The following VDAC1 variants were observed in gnomAD, a reference collection of about 807,000 sequenced individuals.
VDAC1 encodes voltage dependent anion channel 1.
VDAC1 carries 10 observed loss-of-function variants against 34.7 expected under a neutral mutation model. That is an observed-to-expected ratio of 0.29 (90% CI 0.18 to 0.49). VDAC1 has a LOEUF of 0.49. Among genes scored for constraint, VDAC1 ranks in the 20% least tolerant of loss-of-function variants. VDAC1 has a pLI of 0.99. For synonymous variants in VDAC1, 130 were observed against 136.0 expected (o/e 0.96, Z 0.30); for missense variants, 230 against 347.9 (o/e 0.66, Z 2.69).
chr5:133,977,823 T>C (rs190893574), intron 6 of VDAC1, among the ~76,000 whole-genome samples: 5 of 152,200 alleles, frequency 3.3e-5, no homozygotes, highest in Non-Finnish European at 5.9e-5. Context: ...CTGCTTTTCA[T>C]AGGCCCATCT....
chr5:133,985,225 A>G (rs1443769793), intron 5 of VDAC1, among the ~76,000 whole-genome samples: 1 of 152,228 alleles, frequency 6.6e-6, no homozygotes, highest in Non-Finnish European at 1.5e-5. Flanking sequence ...AGTTGGGAGT[A>G]GGTGTGCACA....
rs77978694 is a variant in VDAC1, at chr5:133,985,986, A to G, written c.323+4869T>C. Among the ~76,000 whole-genome samples the G allele has an allele frequency of 7.7e-3, 1,176 of 152,292 alleles. 20 individuals carry two copies. Among genetic ancestry groups the G allele is most frequent in the African/African-American group, 0.027 (1,126 of 41,558 alleles). On this transcript the variant is annotated intron_variant, in intron 5 of 8. Transcript: ENST00000265333. ...TTCTGGCCAGGGCCCACAATCCCCA[A>G]GAGAAAGGGCAGTGCTGGGGAGTGG... is the stretch of plus-strand genomic sequence containing the variant.
At chr5:134,019,340 G>A in the VDAC1 span, among the ~76,000 whole-genome samples, 1 of 152,164 alleles carries the variant, frequency 6.6e-6, no homozygotes, top group Non-Finnish European at 1.5e-5. Context: ...CACTTTGGGA[G>A]TCTAAGGGAG....
chr5:134,091,225 G>T, the VDAC1 span, among the ~76,000 whole-genome samples: 1 of 152,212 alleles, frequency 6.6e-6, no homozygotes, highest in Non-Finnish European at 1.5e-5. Context: ...AACTTTTCAT[G>T]AAGATCAAGA....
the VDAC1 span, among the ~76,000 whole-genome samples, chr5:134,016,789 G>A: frequency 6.6e-6 from 1 of 152,238 alleles, no homozygotes; most frequent in Non-Finnish European, 1.5e-5. Context: ...ACAGGGTGCT[G>A]GCTTTCAGGC....
the VDAC1 span, among the ~76,000 whole-genome samples, chr5:134,064,153 T>C: frequency 1.3e-5 from 2 of 152,014 alleles, no homozygotes; most frequent in African/African-American, 4.8e-5. Context: ...ATTTTTCATA[T>C]AGACAATCAT....
At chr5:134,017,006 G>A in the VDAC1 span, among the ~76,000 whole-genome samples, 1 of 152,318 alleles carries the variant, frequency 6.6e-6, no homozygotes, top group South Asian at 2.1e-4. Flanking sequence ...CCTCTCCTGG[G>A]CATGTTCTTC....
the VDAC1 span, among the ~76,000 whole-genome samples, chr5:134,091,161 G>T: frequency 7.2e-5 from 11 of 152,314 alleles, no homozygotes; most frequent in African/African-American, 2.6e-4. Flanking sequence ...AAAAGGAATG[G>T]AGGGTCTAAC....
chr5:134,101,011 T>C, the VDAC1 span, among the ~76,000 whole-genome samples: 1 of 152,238 alleles, frequency 6.6e-6, no homozygotes, highest in African/African-American at 2.4e-5. Context: ...GAGCTACCCA[T>C]ACACATGCAG....
the VDAC1 span, among the ~76,000 whole-genome samples, chr5:134,037,983 C>T: frequency 1.3e-5 from 2 of 152,124 alleles, no homozygotes; most frequent in African/African-American, 4.8e-5. Context: ...TAAAATTATT[C>T]CAAAATACAA....
chr5:134,058,824 C>T, the VDAC1 span, among the ~76,000 whole-genome samples: 1 of 152,182 alleles, frequency 6.6e-6, no homozygotes, highest in Non-Finnish European at 1.5e-5. Flanking sequence ...ACGTGACCGG[C>T]ACTCCAAGGC....
chr5:134,001,602 C>T (rs182458202), intron 1 of VDAC1, among the ~76,000 whole-genome samples: 2 of 151,418 alleles, frequency 1.3e-5, no homozygotes, highest in Admixed American at 6.6e-5. Flanking sequence ...CCTGTAATCC[C>T]GGCTACTCGA....
At chr5:134,103,257 G>A in the VDAC1 span, among the ~76,000 whole-genome samples, 1 of 152,106 alleles carries the variant, frequency 6.6e-6, no homozygotes, top group Non-Finnish European at 1.5e-5. Context: ...GAGTAGCTGG[G>A]ACTACAGGCA....
intron 1 of VDAC1, among the ~76,000 whole-genome samples, chr5:134,004,201 G>C (rs1024456075): frequency 2.6e-5 from 4 of 152,068 alleles, no homozygotes; most frequent in Admixed American, 2.6e-4. Flanking sequence ...CGAGGCGGCA[G>C]CGTGGCCGGC....
intron 5 of VDAC1, among the ~76,000 whole-genome samples, chr5:133,987,868 T>C (rs1404815921): frequency 1.3e-5 from 2 of 152,234 alleles, no homozygotes; most frequent in African/African-American, 4.8e-5. Context: ...CCTACTGATA[T>C]ATTCTTCCTA....
chr5:134,015,804 C>A, the VDAC1 span, among the ~76,000 whole-genome samples: 2 of 152,130 alleles, frequency 1.3e-5, no homozygotes, highest in Non-Finnish European at 2.9e-5. Context: ...GCCACCACAC[C>A]CAGCTAATTT....
At chr5:134,112,408 G>T in the VDAC1 span, among the ~76,000 whole-genome samples, 2 of 152,178 alleles carry the variant, frequency 1.3e-5, no homozygotes, top group Non-Finnish European at 2.9e-5. Context: ...CCCTTAGCAA[G>T]CCTTCAGACT....
chr5:134,002,676 T>C (rs1177564028), intron 1 of VDAC1, among the ~76,000 whole-genome samples: 1 of 152,186 alleles, frequency 6.6e-6, no homozygotes, highest in Non-Finnish European at 1.5e-5. Context: ...CTCAAAAGGA[T>C]GTCCAGGACC....
the VDAC1 span, among the ~76,000 whole-genome samples, chr5:134,034,034 T>G: frequency 3.3e-5 from 5 of 151,586 alleles, no homozygotes; most frequent in Non-Finnish European, 7.4e-5. Context: ...AAATAAATAA[T>G]AGAACCAGCC....
Sources: allele counts gnomAD v4.1 joint callset (sites outside exome capture counted in the v4.1 genomes callset), GRCh38; gene constraint gnomAD v4.1.1; transcripts MANE v1.5; gene names NCBI Gene and HGNC (gene_info 2026-07-23, HGNC 2026-07-21).